The following USP37 variants were observed in gnomAD, a reference collection of about 807,000 sequenced individuals.
USP37 encodes the protein ubiquitin specific peptidase 37, also known as ubiquitin carboxyl-terminal hydrolase 37.
Under a neutral mutation model 124.0 loss-of-function variants are expected in USP37, and 27 were observed. The ratio of observed to expected loss-of-function variants is 0.22; its 90% CI spans 0.16 to 0.30. The LOEUF is 0.30. Ranked by LOEUF, USP37 falls within the 10% of genes least tolerant of loss-of-function variation. The pLI, the probability that USP37 is intolerant of heterozygous loss-of-function variation, is 1.00. For missense variants in USP37, 889 were observed against 1,140.4 expected, an observed-to-expected ratio of 0.78 and a Z score of 3.17; for synonymous variants, 365 against 388.0, an observed-to-expected ratio of 0.94 and a Z score of 0.70.
At chr2:218,458,790 G>A (rs1340907808) in intron 23 of USP37, among the ~76,000 whole-genome samples, 1 of 151,988 alleles carries the variant, frequency 6.6e-6, no homozygotes. Context: ...GGATAACCTG[G>A]GTGTGGCAGT....
Position 218,497,787 on chromosome 2 carries a change from C to T in USP37, c.1228G>A (p.Val410Ile), listed in dbSNP as rs1689157657. 1 of 1,614,126 alleles carries T rather than the reference C, an allele frequency of 6.2e-7. No homozygotes were observed. The change falls in exon 13 of 26, where the codon GTT becomes ATT. Residue 410 changes from valine (V) to isoleucine (I), a missense_variant. Coordinates refer to ENST00000258399, the MANE Select transcript of USP37 (RefSeq NM_020935.3). ...GCTGTAGCTGAAATGGCATTTTTAA[C>T]CTTCTTGAGTAAATCCTTTTTGGTC... is the stretch of plus-strand genomic sequence containing the variant. ...SETKKDLLKKVKNAISATAER... is the reference protein window; with the variant it reads ...SETKKDLLKKIKNAISATAER...
At chr2:218,471,282 A>C (rs1361157538) in intron 20 of USP37, among the ~76,000 whole-genome samples, 2 of 152,196 alleles carry the variant, frequency 1.3e-5, no homozygotes, top group South Asian at 4.1e-4. Flanking sequence ...ATATTTGATG[A>C]TCTAAGTTCA....
At chr2:218,543,792 C>T (rs373847455) in intron 8 of USP37, among the ~76,000 whole-genome samples, 4 of 151,914 alleles carry the variant, frequency 2.6e-5, no homozygotes, top group African/African-American at 7.2e-5. Context: ...GGCAACACAG[C>T]GAGACTCCGT....
intron 10 of USP37, chr2:218,528,869 A>G (rs1479281175): frequency 5.0e-6 from 2 of 396,780 alleles, no homozygotes; most frequent in African/African-American, 2.1e-5. Context: ...TGGCAATTAA[A>G]TATCCAACTA....
chr2:218,502,524 A>G (rs1485779010), intron 11 of USP37, among the ~76,000 whole-genome samples: 6 of 152,078 alleles, frequency 3.9e-5, no homozygotes, highest in Non-Finnish European at 8.8e-5. Flanking sequence ...ATATATAAAA[A>G]CGTTCAAAAT....
intron 16 of USP37, among the ~76,000 whole-genome samples, chr2:218,484,347 C>T (rs1468999113): frequency 6.6e-6 from 1 of 151,872 alleles, no homozygotes; most frequent in African/African-American, 2.4e-5. Context: ...CTTGGCCCGG[C>T]GCGGTGGCTT....
intron 13 of USP37, 119 bp from the exon 14 acceptor site, chr2:218,496,069 G>T: frequency 1.0e-6 from 1 of 981,100 alleles, no homozygotes; most frequent in Non-Finnish European, 1.5e-6. Flanking sequence ...TGAGGCAGGC[G>T]GATCACTTGA....
chr2:218,467,325 A>G (rs1000312796), intron 20 of USP37, among the ~76,000 whole-genome samples: 1 of 149,046 alleles, frequency 6.7e-6, no homozygotes, highest in African/African-American at 2.5e-5. Context: ...ATATCTATCT[A>G]TCTATCTATC....
intron 15 of USP37, among the ~76,000 whole-genome samples, chr2:218,486,570 G>A (rs1691571515): frequency 6.6e-6 from 1 of 151,964 alleles, no homozygotes; most frequent in Admixed American, 6.6e-5. Context: ...CTACAGGCAT[G>A]TGCCACCATA....
chr2:218,466,030 C>T lies in USP37; in HGVS notation c.2446G>A (p.Ala816Thr). ...CTTACTTGCTCTTGAAGGCTCTGAGCCAGTGCCTGCTGAAGCTCTTGCTCT... is the reference window on the plus strand; with the variant it reads ...CTTACTTGCTCTTGAAGGCTCTGAGTCAGTGCCTGCTGAAGCTCTTGCTCT... ...REEQELQQAL[A>T]QSLQEQEAWE... Residue 816 changes from alanine (A) to threonine (T), a missense_variant, in exon 21 of 26, where the codon GCT (alanine) becomes ACT (threonine). Ala to Thr is a moderately conservative substitution (Grantham distance 58). This residue lies in a region of USP37 where 504 missense variants were observed against 714.3 expected (regional missense o/e 0.71). Transcript: ENST00000258399. 6.2e-7 allele frequency: 1 copy of T among 1,611,342 alleles called. No individual in the cohort carries two copies. Among genetic ancestry groups the T allele is most frequent in the Non-Finnish European group, 8.5e-7 (1 of 1,179,456 alleles).
At chr2:218,522,400 CTT>C (rs1163210248) in intron 10 of USP37, among the ~76,000 whole-genome samples, 1 of 144,194 alleles carries the variant, frequency 6.9e-6, no homozygotes. Context: ...CCATCTCTCT[CTT>C]TTTTTTTTTA....
At chr2:218,538,936 C>T (rs1381479746) in intron 8 of USP37, among the ~76,000 whole-genome samples, 11 of 152,158 alleles carry the variant, frequency 7.2e-5, no homozygotes, top group Admixed American at 7.2e-4. Flanking sequence ...AAATTCTGTT[C>T]ATGTCTTCCA....
At chr2:218,471,645 T>C (rs1194812006) in intron 20 of USP37, among the ~76,000 whole-genome samples, 5 of 152,202 alleles carry the variant, frequency 3.3e-5, no homozygotes, top group Non-Finnish European at 5.9e-5. Context: ...CAGCAAATGG[T>C]ACCATTATCT....
At position 218,562,698 on chromosome 2, in the gene USP37, C is replaced by T. The variant is rs1344225134; in HGVS notation, c.-114G>A. 5 of 398,490 alleles carry T rather than the reference C, an allele frequency of 1.3e-5. No homozygotes were observed. The highest frequency in any genetic ancestry group is 2.2e-5 in the Non-Finnish European group (5 of 226,040). The allele number at this position is 398,490 out of a possible 1,614,324, so 24.7% of individuals were successfully genotyped here. A position where few individuals can be genotyped will look rare whatever the true frequency, so the allele number is the denominator to read the frequency against. On this transcript the variant is annotated 5_prime_UTR_variant, in exon 2 of 26. Coordinates refer to ENST00000258399, the MANE Select transcript of USP37 (RefSeq NM_020935.3). ...TTTTCAGTGACTTTTACCGAAAAACCCTATGTAATAGCAATTCACCTTTAT... is the reference window on the plus strand; with the variant it reads ...TTTTCAGTGACTTTTACCGAAAAACTCTATGTAATAGCAATTCACCTTTAT...
At position 218,506,922 on chromosome 2, in the gene USP37, G is replaced by A. The variant is rs377526381; in HGVS notation, c.1025+3057C>T. On this transcript the variant is annotated intron_variant, in intron 11 of 25. Coordinates refer to ENST00000258399, the MANE Select transcript of USP37 (RefSeq NM_020935.3). The stretch of plus-strand genomic sequence containing the variant: ...AGCAATTCTCCTGCCTCAGCCTCCC[G>A]AATAGCTGGGATTACAGGCACCCGC... Among the ~76,000 whole-genome samples, 41 of 151,452 alleles carry A rather than the reference G, an allele frequency of 2.7e-4. 1 individual carries two copies. The East Asian group carries it at 5.7e-3, about 21-fold the overall frequency.
chr2:218,513,714 C>T (rs1690123056), intron 10 of USP37, among the ~76,000 whole-genome samples: 1 of 152,234 alleles, frequency 6.6e-6, no homozygotes, highest in Admixed American at 6.5e-5. Flanking sequence ...TTCATCCATT[C>T]TGCTGGGTGT....
At chr2:218,473,411 G>A (rs987244240) in intron 20 of USP37, among the ~76,000 whole-genome samples, 2 of 152,140 alleles carry the variant, frequency 1.3e-5, no homozygotes, top group Non-Finnish European at 2.9e-5. Flanking sequence ...AAACCATCAC[G>A]TTTTTGCTTC....
intron 17 of USP37, 53 bp downstream of exon 17, chr2:218,482,017 A>C: frequency 2.0e-6 from 3 of 1,520,190 alleles, no homozygotes; most frequent in Non-Finnish European, 2.7e-6. Context: ...TTAGATACTA[A>C]AGCCTTTCTA....
At chr2:218,503,281 T>C (rs1689488298) in intron 11 of USP37, among the ~76,000 whole-genome samples, 1 of 152,266 alleles carries the variant, frequency 6.6e-6, no homozygotes, top group Admixed American at 6.5e-5. Flanking sequence ...TTCTGTCTCA[T>C]CTTTTAATTT....
Sources: allele counts gnomAD v4.1 joint callset (sites outside exome capture counted in the v4.1 genomes callset), GRCh38; gene constraint gnomAD v4.1.1; regional missense constraint gnomAD v4.1.1; transcripts MANE v1.5; gene names NCBI Gene and HGNC (gene_info 2026-07-23, HGNC 2026-07-21).